Variants in GRAMD2B observed in about 807,000 individuals in gnomAD.
The protein encoded by GRAMD2B is GRAM domain-containing protein 2B.
GRAMD2B carries 41 observed loss-of-function variants against 59.2 expected under a neutral mutation model. The ratio of observed to expected loss-of-function variants is 0.69; its 90% confidence interval spans 0.54 to 0.90. GRAMD2B has a LOEUF of 0.90. Among genes scored for constraint, GRAMD2B ranks in the 40% least tolerant of loss-of-function variants. GRAMD2B has a pLI of 0.00. For synonymous variants in GRAMD2B, 161 were observed against 182.7 expected (o/e 0.88, Z 0.96); for missense variants, 424 against 500.5 (o/e 0.85, Z 1.46).
Position 126,362,003 on chromosome 5 carries a change from C to CTGAT in GRAMD2B, c.128+1544_128+1545insTGAT, listed in dbSNP as rs540492163. ...CACACAAGCATGTTAAGCCTACCAC[C>CTGAT]ATCACCCCAAATGTGGTGACCTTTC... On this transcript the variant is annotated intron_variant, in intron 1 of 13. Coordinates refer to the GRAMD2B transcript ENST00000513040. 1.5e-3 allele frequency among the ~76,000 whole-genome samples: 235 copies of CTGAT among 152,310 alleles called. 1 individual carries two copies. Among genetic ancestry groups the CTGAT allele is most frequent in the Non-Finnish European group, 2.1e-3 (143 of 68,034 alleles).
intron 1 of GRAMD2B, among the ~76,000 whole-genome samples, chr5:126,414,084 C>A (rs1224799796): frequency 6.6e-6 from 1 of 152,152 alleles, no homozygotes; most frequent in Non-Finnish European, 1.5e-5. Flanking sequence ...ATACCATCGA[C>A]AATCCCTTAG....
intron 1 of GRAMD2B, among the ~76,000 whole-genome samples, chr5:126,449,363 A>G (rs908020668): frequency 9.9e-5 from 15 of 152,238 alleles, no homozygotes; most frequent in African/African-American, 3.4e-4. Context: ...TTTTTACATA[A>G]TAACAATATG....
intron 1 of GRAMD2B, among the ~76,000 whole-genome samples, chr5:126,452,783 T>G (rs533705008): frequency 6.6e-6 from 1 of 152,338 alleles, no homozygotes; most frequent in African/African-American, 2.4e-5. Flanking sequence ...GTTCTCTCTT[T>G]GATCTTCTGT....
chr5:126,439,072 C>T (rs1762864603), intron 1 of GRAMD2B, among the ~76,000 whole-genome samples: 1 of 152,094 alleles, frequency 6.6e-6, no homozygotes, highest in Non-Finnish European at 1.5e-5. Flanking sequence ...TGTGAAATGT[C>T]AGTAAAGGTT....
intron 1 of GRAMD2B, among the ~76,000 whole-genome samples, chr5:126,455,893 C>A (rs1290398859): frequency 6.6e-6 from 1 of 152,150 alleles, no homozygotes; most frequent in Non-Finnish European, 1.5e-5. Context: ...TCCTTAGACA[C>A]CTTCTTTATG....
intron 1 of GRAMD2B, among the ~76,000 whole-genome samples, chr5:126,439,493 A>T (rs1762948823): frequency 6.6e-6 from 1 of 151,738 alleles, no homozygotes; most frequent in Non-Finnish European, 1.5e-5. Flanking sequence ...TGCCCAAAAA[A>T]TTTTTATATT....
intron 13 of GRAMD2B, among the ~76,000 whole-genome samples, chr5:126,489,442 A>G (rs1015113417): frequency 3.3e-5 from 5 of 152,356 alleles, no homozygotes; most frequent in African/African-American, 1.2e-4. Context: ...CTGAGAGAGC[A>G]TTAGAAGAAA....
At chr5:126,439,607 C>A (rs1205185646) in intron 1 of GRAMD2B, among the ~76,000 whole-genome samples, 1 of 152,070 alleles carries the variant, frequency 6.6e-6, no homozygotes, top group Non-Finnish European at 1.5e-5. Flanking sequence ...ATTACAGACA[C>A]CGCACCTGGC....
In GRAMD2B at chr5:126,361,489, T is replaced by TAAAAAAA. The variant is rs11300255; in HGVS notation, c.128+1044_128+1050dup. ...TTCAGTTTTCTTAATTCCGAAATGG[T>TAAAAAAA]AAAAAAAAAAAAAAAAAAAATTCTG... On this transcript the variant is annotated intron_variant, in intron 1 of 13. Coordinates refer to the GRAMD2B transcript ENST00000513040. Among the ~76,000 whole-genome samples, 522 of 140,714 alleles carry TAAAAAAA rather than the reference T, an allele frequency of 3.7e-3. 2 individuals carry two copies. The highest frequency in any genetic ancestry group is 7.2e-3 in the Middle Eastern group (2 of 278). 92.3% of individuals were successfully genotyped at this position (140,714 alleles called of 152,430 possible). A position where few individuals can be genotyped will look rare whatever the true frequency, so the allele number is the denominator to read the frequency against.
At chr5:126,426,058 G>A (rs1385546206) in intron 1 of GRAMD2B, among the ~76,000 whole-genome samples, 3 of 151,940 alleles carry the variant, frequency 2.0e-5, no homozygotes, top group Admixed American at 2.0e-4. Flanking sequence ...TATGTTGCTT[G>A]ATTTAATCAT....
chr5:126,393,065 A>G (rs1369699261), intron 1 of GRAMD2B, among the ~76,000 whole-genome samples: 2 of 152,222 alleles, frequency 1.3e-5, no homozygotes, highest in South Asian at 2.1e-4. Context: ...AAATGGTTTA[A>G]GGACTGAGTG....
At chr5:126,447,530 G>A (rs957117506) in intron 1 of GRAMD2B, among the ~76,000 whole-genome samples, 4 of 152,080 alleles carry the variant, frequency 2.6e-5, no homozygotes, top group East Asian at 1.9e-4. Context: ...CGGGCGTGGT[G>A]GCGGGCGCCT....
At chr5:126,488,928 C>G (rs760703746) in intron 13 of GRAMD2B, 36 bp downstream of exon 13, 3 of 1,486,006 alleles carry the variant, frequency 2.0e-6, no homozygotes, top group South Asian at 1.1e-5. Flanking sequence ...GGGGCAGTCA[C>G]AGTAGTGCCT....
Position 126,493,134 on chromosome 5 carries a change from T to A in GRAMD2B, c.*178T>A. 3.4e-6 allele frequency: 2 copies of A among 585,452 alleles called. No homozygotes were observed. The highest frequency in any genetic ancestry group is 6.2e-6 in the Non-Finnish European group (2 of 321,854). 36.3% of individuals were successfully genotyped at this position (585,452 alleles called of 1,614,324 possible). A position where few individuals can be genotyped will look rare whatever the true frequency, so the allele number is the denominator to read the frequency against. On this transcript the variant is annotated 3_prime_UTR_variant, in exon 14 of 14. Transcript: ENST00000285689. ...TGAGGAGGGAAATAATTTTGGTTCT[T>A]GTGCAATAAAAGTTGACCTTGACTC...
chr5:126,392,307 A>G (rs1275252281), intron 1 of GRAMD2B, among the ~76,000 whole-genome samples: 4 of 152,170 alleles, frequency 2.6e-5, no homozygotes, highest in African/African-American at 9.7e-5. Context: ...AGTAAGGTGG[A>G]TCACAGGGGG....
intron 10 of GRAMD2B, 37 bp downstream of exon 10, chr5:126,484,561 G>T: frequency 1.9e-6 from 3 of 1,562,188 alleles, no homozygotes; most frequent in Non-Finnish European, 1.7e-6. Context: ...GGGTTTAGAA[G>T]GATTGGAGAT....
intron 1 of GRAMD2B, among the ~76,000 whole-genome samples, chr5:126,403,589 G>C (rs1371809625): frequency 2.0e-5 from 3 of 151,644 alleles, no homozygotes; most frequent in Non-Finnish European, 4.4e-5. Flanking sequence ...AGGCTCTAGG[G>C]GAAAAAAGAG....
chr5:126,459,710 C>T (rs1182680984), intron 1 of GRAMD2B, among the ~76,000 whole-genome samples: 11 of 152,132 alleles, frequency 7.2e-5, no homozygotes, highest in East Asian at 1.9e-4. Flanking sequence ...AAAAGTTTAG[C>T]GCTAGTCACG....
At chr5:126,406,303 T>C (rs1758261685) in intron 1 of GRAMD2B, among the ~76,000 whole-genome samples, 1 of 151,922 alleles carries the variant, frequency 6.6e-6, no homozygotes, top group African/African-American at 2.4e-5. Flanking sequence ...CATGTATACA[T>C]ATGTAACTAA....
Sources: allele counts gnomAD v4.1 joint callset (sites outside exome capture counted in the v4.1 genomes callset), GRCh38; gene constraint gnomAD v4.1.1; transcripts MANE v1.5; gene names NCBI Gene and HGNC (gene_info 2026-07-23, HGNC 2026-07-21).